DNAH12: variants seen among roughly 807,000 people sequenced by gnomAD.
The protein encoded by DNAH12 is axonemal beta dynein heavy chain 12.
Under a neutral mutation model 371.5 loss-of-function variants are expected in DNAH12, and 285 were observed. That is an observed-to-expected ratio of 0.77 (90% confidence interval 0.70 to 0.85). The LOEUF is 0.85. Ranked by LOEUF, DNAH12 falls within the 40% of genes least tolerant of loss-of-function variation. The probability of loss-of-function intolerance (pLI) is 0.00; values close to 1 mark genes in which losing one functional copy is unlikely to be tolerated. For synonymous variants in DNAH12, 1,200 were observed against 1,213.0 expected, an observed-to-expected ratio of 0.99 and a Z score of 0.22; for missense variants, 3,611 against 3,689.4, an observed-to-expected ratio of 0.98 and a Z score of 0.55.
In DNAH12 at chr3:57,309,734, TG is replaced by T; in HGVS notation, c.11016del (p.Lys3673AsnfsTer14). The stretch of plus-strand genomic sequence containing the variant: ...GTACTTCCTGAGGCTCCTGTCTGTT[TG>T]GAGCCTCCCTGGGTGAGGAGCAAGG... Reference protein sequence around the residue: ...FESLLLTQGGSKQTGASGSTD... With the variant: ...FESLLLTQGGXKQTGASGSTD... On this transcript the variant is annotated frameshift_variant, in exon 68 of 74. Coordinates refer to ENST00000495027, the MANE Select transcript of DNAH12 (RefSeq NM_001366028.2). LOFTEE classifies it high-confidence loss of function. 2 of 1,551,176 alleles carry T rather than the reference TG, an allele frequency of 1.3e-6. No homozygotes were observed. The highest frequency in any genetic ancestry group is 1.7e-6 in the Non-Finnish European group (2 of 1,146,770).
Position 57,483,433 on chromosome 3 carries a change from T to A in DNAH12, c.1593A>T (p.Ile531=), listed in dbSNP as rs2153383832. The part of the protein sequence containing the change: ...PETTEEMMDL[I]SYVEKARTVG... ...CAGTCCGGGCTTTTTCTACATAAGA[T>A]ATCAGATCCATCATCTCTTCTGTTG... is the stretch of plus-strand genomic sequence containing the variant. Residue 531 remains isoleucine, a synonymous_variant, in exon 13 of 74, where the codon ATA becomes ATT. Coordinates refer to ENST00000495027, the MANE Select transcript of DNAH12 (RefSeq NM_001366028.2). The A allele has an allele frequency of 6.4e-7, 1 of 1,551,510 alleles. No homozygotes were observed. Among genetic ancestry groups the A allele is most frequent in the East Asian group, 2.4e-5 (1 of 40,876 alleles).
intron 4 of DNAH12, among the ~76,000 whole-genome samples, chr3:57,518,499 C>G (rs946552486): frequency 6.6e-6 from 1 of 151,708 alleles, no homozygotes; most frequent in Non-Finnish European, 1.5e-5. Context: ...GGATTCCAGC[C>G]TGGGTGACAG....
intron 47 of DNAH12, among the ~76,000 whole-genome samples, chr3:57,386,087 A>G (rs1264391434): frequency 6.6e-6 from 1 of 152,226 alleles, no homozygotes; most frequent in Non-Finnish European, 1.5e-5. Flanking sequence ...CACTTGACTC[A>G]TTAAAAAAAC....
intron 2 of DNAH12, among the ~76,000 whole-genome samples, chr3:57,529,989 A>G (rs2068785204): frequency 6.6e-6 from 1 of 151,908 alleles, no homozygotes; most frequent in African/African-American, 2.4e-5. Flanking sequence ...TTCTTCATTG[A>G]CTCACTGGTC....
At chr3:57,425,184 T>C (rs2064725272) in intron 34 of DNAH12, 43 bp from the exon 35 acceptor site, 4 of 676,850 alleles carry the variant, frequency 5.9e-6, no homozygotes, top group Middle Eastern at 2.4e-4. Flanking sequence ...TTTCATCTTA[T>C]TTAGAAAATA....
Position 57,459,590 on chromosome 3 carries a change from A to C in DNAH12, c.2931+2T>G. 1 of 1,462,794 alleles carries C rather than the reference A, an allele frequency of 6.8e-7. No individual in the cohort carries two copies. Among genetic ancestry groups the C allele is most frequent in the Non-Finnish European group, 9.2e-7 (1 of 1,090,672 alleles). 90.6% of individuals were successfully genotyped at this position (1,462,794 alleles called of 1,614,324 possible). ...CTGTGAGAGAGAAAACAAACACTTC[A>C]CCTTTGGATCTTTAGCACAAAACTT... On this transcript the variant is annotated splice_donor_variant, in intron 20 of 73. Transcript: ENST00000495027. LOFTEE classifies it high-confidence loss of function.
intron 8 of DNAH12, among the ~76,000 whole-genome samples, chr3:57,505,136 GC>G (rs2067705138): frequency 6.6e-6 from 1 of 152,014 alleles, no homozygotes; most frequent in South Asian, 2.1e-4. Context: ...TGACCCGCCT[GC>G]TTTGGCCTCT....
At chr3:57,422,982 A>G (rs1459941878) in intron 35 of DNAH12, among the ~76,000 whole-genome samples, 2 of 152,224 alleles carry the variant, frequency 1.3e-5, no homozygotes, top group African/African-American at 2.4e-5. Context: ...AAAAATGTAT[A>G]CATGTAAAAG....
chr3:57,533,040 G>A (rs569504265), intron 2 of DNAH12, among the ~76,000 whole-genome samples: 10 of 152,266 alleles, frequency 6.6e-5, no homozygotes, highest in Non-Finnish European at 1.2e-4. Flanking sequence ...GCTAGCACTC[G>A]AACCATGAGA....
chr3:57,352,866 A>G (rs1160723491), intron 59 of DNAH12, among the ~76,000 whole-genome samples: 1 of 152,074 alleles, frequency 6.6e-6, no homozygotes, highest in African/African-American at 2.4e-5. Context: ...AGGTGGGTGG[A>G]TCATTTGAGG....
intron 13 of DNAH12, among the ~76,000 whole-genome samples, chr3:57,480,135 G>A (rs939083956): frequency 6.6e-6 from 1 of 151,972 alleles, no homozygotes; most frequent in African/African-American, 2.4e-5. Flanking sequence ...TCCAGGAGCT[G>A]GTTTTTTGAA....
intron 59 of DNAH12, among the ~76,000 whole-genome samples, chr3:57,352,497 T>A (rs972634941): frequency 2.0e-5 from 3 of 152,156 alleles, no homozygotes; most frequent in Non-Finnish European, 2.9e-5. Flanking sequence ...TTTTTCTGTG[T>A]GCAACTTCTT....
chr3:57,348,136 T>G (rs1368275152), intron 60 of DNAH12, among the ~76,000 whole-genome samples: 1 of 152,168 alleles, frequency 6.6e-6, no homozygotes. Flanking sequence ...AGTAGGTTAA[T>G]GAATAAACTG....
In DNAH12 at chr3:57,423,436, T is replaced by G. The variant is rs146124208; in HGVS notation, c.5373+1586A>C. ...ATACTTCAAACATGTCTGTTCAATA[T>G]CTTCTAAAGCGGAAGGATATAAAGG... On this transcript the variant is annotated intron_variant, in intron 35 of 73. Transcript: ENST00000495027. Among the ~76,000 whole-genome samples, 162 of 152,170 alleles carry G rather than the reference T, an allele frequency of 1.1e-3. 1 individual carries two copies. The highest frequency in any genetic ancestry group is 3.8e-3 in the African/African-American group (156 of 41,512).
chr3:57,445,096 T>A (rs1480440211), intron 28 of DNAH12, 78 bp downstream of exon 28: 1 of 1,421,970 alleles, frequency 7.0e-7, no homozygotes, highest in African/African-American at 1.4e-5. Context: ...AAGTGCCTAT[T>A]TGTAGTTCCT....
chr3:57,401,577 AAAAAAG>A (rs2063864828), intron 43 of DNAH12, among the ~76,000 whole-genome samples: 2 of 148,180 alleles, frequency 1.3e-5, no homozygotes, highest in African/African-American at 2.5e-5. Flanking sequence ...AAAAAAAAAA[AAAAAAG>A]AAGAAGAAGA....
At chr3:57,326,339 C>T (rs1205175681) in intron 62 of DNAH12, among the ~76,000 whole-genome samples, 1 of 152,146 alleles carries the variant, frequency 6.6e-6, no homozygotes, top group African/African-American at 2.4e-5. Flanking sequence ...AAGGGAAGCC[C>T]ATCAGACTAA....
In DNAH12 at chr3:57,421,505, T is replaced by C; in HGVS notation, c.5562+13A>G. ...GTGTTTTATCTTACCATAACAAGCT[T>C]TTTATGTCATACCTCATACATGTAG... On this transcript the variant is annotated intron_variant, in intron 36 of 73. Transcript: ENST00000495027. The C allele has an allele frequency of 6.4e-7, 1 of 1,551,220 alleles. No homozygotes were observed. Among genetic ancestry groups the C allele is most frequent in the South Asian group, 1.2e-5 (1 of 84,042 alleles).
intron 2 of DNAH12, among the ~76,000 whole-genome samples, chr3:57,530,061 T>C (rs997201276): frequency 1.3e-5 from 2 of 152,128 alleles, no homozygotes; most frequent in Admixed American, 6.5e-5. Context: ...CCTCTTGTTA[T>C]TGATTTCTAG....
Sources: gnomAD v4.1 joint callset for allele counts (sites outside exome capture counted in the v4.1 genomes callset) on GRCh38, gnomAD v4.1.1 for gene constraint, MANE v1.5 for transcripts, NCBI Gene and HGNC (gene_info 2026-07-23, HGNC 2026-07-21) for gene names.